ITPR2: variants seen among roughly 807,000 people sequenced by gnomAD.
ITPR2 encodes inositol 1,4,5-trisphosphate-gated calcium channel ITPR2.
A neutral mutation model predicts 317.1 loss-of-function variants in ITPR2; 207 were observed. The ratio of observed to expected loss-of-function variants is 0.65; its 90% CI spans 0.58 to 0.73. The LOEUF (loss-of-function observed/expected upper bound fraction) is 0.73. Among genes scored for constraint, ITPR2 ranks in the 30% least tolerant of loss-of-function variants. The pLI is 0.00. For synonymous variants in ITPR2, 1,156 were observed against 1,149.1 expected (o/e 1.01, Z -0.12); for missense variants, 2,613 against 3,284.0 (o/e 0.80, Z 4.99).
At chr12:26,462,121 T>C (rs1942048708) in intron 45 of ITPR2, among the ~76,000 whole-genome samples, 1 of 148,886 alleles carries the variant, frequency 6.7e-6, no homozygotes, top group South Asian at 2.1e-4. Context: ...CTCACATACC[T>C]ACATGATTCC....
chr12:26,452,666 G>C lies in ITPR2; in HGVS notation c.6343-9016C>G, dbSNP rs142352740. 1.3e-3 allele frequency among the ~76,000 whole-genome samples: 200 copies of C among 152,268 alleles called. 1 individual carries two copies. Among genetic ancestry groups the C allele is most frequent in the African/African-American group, 4.5e-3 (188 of 41,544 alleles). On this transcript the variant is annotated intron_variant, in intron 45 of 56. Transcript: ENST00000381340. ...AAGTGAGTGCATTCTCACTCTCAAG[G>C]AACCGGATTTGGTATCTTGAGAGCA...
intron 21 of ITPR2, among the ~76,000 whole-genome samples, chr12:26,639,615 C>A (rs1441104410): frequency 8.8e-6 from 1 of 113,454 alleles, no homozygotes; most frequent in Non-Finnish European, 1.7e-5. Context: ...TGCTATCCCT[C>A]CCCGCTCCCC....
In ITPR2 at chr12:26,398,988, A is replaced by G. The variant is rs1167362329; in HGVS notation, c.7584T>C (p.Val2528=). 6.2e-7 allele frequency: 1 copy of G among 1,607,674 alleles called. No homozygotes were observed. The highest frequency in any genetic ancestry group is 8.5e-7 in the Non-Finnish European group (1 of 1,178,398). Residue 2528 remains valine (V), a synonymous_variant, in exon 54 of 57, where the codon GTT becomes GTC. Transcript: ENST00000381340. The stretch of plus-strand genomic sequence containing the variant: ...AAATCAAGTTCAGAACAATAATGAT[A>G]ACAATGAAATAAAAAAGAAGGTCAT... ...VVYDLLFYFI[V]IIIVLNLIFG...
At chr12:26,758,293 AAT>A (rs1172579123) in intron 2 of ITPR2, among the ~76,000 whole-genome samples, 2 of 152,234 alleles carry the variant, frequency 1.3e-5, no homozygotes, top group East Asian at 3.8e-4. Context: ...AGATTAGTTG[AAT>A]ATGAAAATTT....
At chr12:26,648,351 C>T (rs973634316) in intron 21 of ITPR2, among the ~76,000 whole-genome samples, 1 of 152,066 alleles carries the variant, frequency 6.6e-6, no homozygotes, top group Admixed American at 6.5e-5. Context: ...CATGTCCAAC[C>T]CCAACTGTGC....
chr12:26,605,125 A>AT (rs1235270144), intron 26 of ITPR2, among the ~76,000 whole-genome samples: 1 of 128,912 alleles, frequency 7.8e-6, no homozygotes, highest in African/African-American at 2.9e-5. Context: ...TAAAAAATAA[A>AT]AATATATATA....
chr12:26,616,081 C>CA (rs1249919910), intron 26 of ITPR2, among the ~76,000 whole-genome samples: 24 of 151,880 alleles, frequency 1.6e-4, no homozygotes, highest in African/African-American at 5.5e-4. Flanking sequence ...ATTCAATTAA[C>CA]AAAAAAGGTA....
chr12:26,811,113 T>G (rs1469239316), intron 1 of ITPR2, among the ~76,000 whole-genome samples: 1 of 151,846 alleles, frequency 6.6e-6, no homozygotes, highest in Non-Finnish European at 1.5e-5. Flanking sequence ...TGCTGAATTG[T>G]AGTCAGATAT....
At chr12:26,566,497 G>GAGAGGAGGAAGAGGAGGA (rs1343593120) in intron 34 of ITPR2, among the ~76,000 whole-genome samples, 2 of 140,540 alleles carry the variant, frequency 1.4e-5, no homozygotes, top group Non-Finnish European at 3.1e-5. Flanking sequence ...GGAGAGGAGG[G>GAGAGGAGGAAGAGGAGGA]AGAGGAGGAA....
intron 35 of ITPR2, among the ~76,000 whole-genome samples, chr12:26,556,808 G>T (rs1944677201): frequency 6.6e-6 from 1 of 151,340 alleles, no homozygotes; most frequent in South Asian, 2.1e-4. Flanking sequence ...GCCAGGTGCG[G>T]TGCCTCACGC....
At chr12:26,531,101 T>C (rs1208554515) in intron 37 of ITPR2, among the ~76,000 whole-genome samples, 1 of 152,202 alleles carries the variant, frequency 6.6e-6, no homozygotes, top group Non-Finnish European at 1.5e-5. Context: ...AGATAAAAGA[T>C]AGAGGTCTGG....
intron 45 of ITPR2, 82 bp from the exon 46 acceptor site, chr12:26,443,732 G>A: frequency 1.0e-6 from 1 of 980,944 alleles, no homozygotes; most frequent in African/African-American, 1.6e-5. Flanking sequence ...TTGTCTACTT[G>A]TACACATAGC....
chr12:26,693,174 C>T (rs1430342873), intron 10 of ITPR2, among the ~76,000 whole-genome samples: 1 of 152,192 alleles, frequency 6.6e-6, no homozygotes, highest in African/African-American at 2.4e-5. Context: ...CAGTCATAAA[C>T]ATCTACAGCA....
intron 43 of ITPR2, among the ~76,000 whole-genome samples, chr12:26,477,598 C>T (rs923805794): frequency 1.3e-5 from 2 of 151,990 alleles, no homozygotes; most frequent in Non-Finnish European, 2.9e-5. Flanking sequence ...CTTTGTTTAC[C>T]TTTGGGTTGT....
At chr12:26,512,471 AC>A (rs1188775639) in intron 37 of ITPR2, among the ~76,000 whole-genome samples, 1 of 151,704 alleles carries the variant, frequency 6.6e-6, no homozygotes, top group Non-Finnish European at 1.5e-5. Flanking sequence ...TTCTCTACCC[AC>A]CCCCCACATG....
chr12:26,822,343 G>A (rs1425996864), intron 1 of ITPR2, among the ~76,000 whole-genome samples: 1 of 151,996 alleles, frequency 6.6e-6, no homozygotes, highest in Non-Finnish European at 1.5e-5. Context: ...GCATTCATGG[G>A]AATCTATCTA....
chr12:26,457,766 C>T (rs1343307661), intron 45 of ITPR2, among the ~76,000 whole-genome samples: 1 of 152,172 alleles, frequency 6.6e-6, no homozygotes, highest in East Asian at 1.9e-4. Context: ...ATTATATCCT[C>T]CTTGTTAACT....
rs774492302 is a variant in ITPR2 at position 26,686,466 on chromosome 12, C to T, written c.1148+15G>A. On this transcript the variant is annotated intron_variant, in intron 11 of 56. Coordinates refer to ENST00000381340, the MANE Select transcript of ITPR2 (RefSeq NM_002223.4). ...ATTATTCAAAGAAACATCTTTTAAC[C>T]ATAATTTTTTTTACCTTGGAACCAG... is the stretch of plus-strand genomic sequence containing the variant. 1 of 1,534,494 alleles carries T rather than the reference C, an allele frequency of 6.5e-7. No individual in the cohort carries two copies. The highest frequency in any genetic ancestry group is 8.8e-7 in the Non-Finnish European group (1 of 1,138,590).
intron 45 of ITPR2, among the ~76,000 whole-genome samples, chr12:26,468,250 G>C (rs913009810): frequency 6.6e-6 from 1 of 152,116 alleles, no homozygotes; most frequent in African/African-American, 2.4e-5. Context: ...ATTAGTAAAA[G>C]AGAGAGATGG....
Sources: gnomAD v4.1 joint callset for allele counts (sites outside exome capture counted in the v4.1 genomes callset) on GRCh38, gnomAD v4.1.1 for gene constraint, MANE v1.5 for transcripts, NCBI Gene and HGNC (gene_info 2026-07-23, HGNC 2026-07-21) for gene names.